ADGRB1: variants seen among roughly 807,000 people sequenced by gnomAD.
ADGRB1 encodes the protein adhesion G protein-coupled receptor B1.
A neutral mutation model predicts 175.7 loss-of-function variants in ADGRB1; 36 were observed. The observed-to-expected ratio is 0.20, with a 90% CI of 0.16 to 0.27. ADGRB1 has a LOEUF of 0.27. Among genes scored for constraint, ADGRB1 ranks in the 10% least tolerant of loss-of-function variants. The pLI is 1.00. For synonymous variants in ADGRB1, 1,054 were observed against 979.4 expected (o/e 1.08, Z -1.42); for missense variants, 1,731 against 2,255.3 (o/e 0.77, Z 4.71).
At chr8:142,481,474 G>T in intron 10 of ADGRB1, 43 bp from the exon 11 acceptor site, 1 of 1,576,776 alleles carries the variant, frequency 6.3e-7, no homozygotes. Flanking sequence ...GCCTGGACAT[G>T]TTCCACAGAG....
chr8:142,470,170 G>A (rs146895200), intron 2 of ADGRB1, among the ~76,000 whole-genome samples: 3 of 151,712 alleles, frequency 2.0e-5, no homozygotes, highest in Admixed American at 1.3e-4. Context: ...ACGCCCCACC[G>A]CCCCCCAGGC....
rs1385584939 is a variant in ADGRB1, at chr8:142,456,000, A to C, written c.-220+5896A>C. ...CCAGGGAGGGTAGGGCTGTCCAGGC[A>C]AGTCTTGGTGAGGCCCCAGTTCCAG... On this transcript the variant is annotated intron_variant, in intron 1 of 30. Coordinates refer to ENST00000517894, the MANE Select transcript of ADGRB1 (RefSeq NM_001702.3). This position sits in a 1 kb window ranked among gnomAD's most constrained non-coding sequence, Gnocchi z 4.9. 6.6e-6 allele frequency among the ~76,000 whole-genome samples: 1 copy of C among 152,028 alleles called. No homozygotes were observed. The highest frequency in any genetic ancestry group is 1.9e-4 in the East Asian group (1 of 5,172).
intron 22 of ADGRB1, among the ~76,000 whole-genome samples, chr8:142,523,778 A>AGGGGGG: frequency 3.6e-5 from 1 of 28,120 alleles, no homozygotes; most frequent in Admixed American, 4.1e-4. Context: ...GCTTACTGGG[A>AGGGGGG]GGGGGGTGGG....
At chr8:142,451,376 C>T (rs942406258) in intron 1 of ADGRB1, among the ~76,000 whole-genome samples, 4 of 152,178 alleles carry the variant, frequency 2.6e-5, no homozygotes, top group Non-Finnish European at 5.9e-5. Flanking sequence ...TCTTGGAGCG[C>T]AGGCGCCTAG....
intron 2 of ADGRB1, among the ~76,000 whole-genome samples, chr8:142,473,284 T>C (rs1050886667): frequency 6.6e-6 from 1 of 152,178 alleles, no homozygotes; most frequent in East Asian, 1.9e-4. Flanking sequence ...CGTGCCACCC[T>C]GACCCATTGT....
At chr8:142,459,247 C>T (rs963326351) in intron 1 of ADGRB1, among the ~76,000 whole-genome samples, 6 of 152,202 alleles carry the variant, frequency 3.9e-5, no homozygotes, top group South Asian at 2.1e-4. Flanking sequence ...CGGAGAAGCA[C>T]GGAGCATGGA....
At chr8:142,527,295 C>A (rs1844263957) in intron 24 of ADGRB1, among the ~76,000 whole-genome samples, 1 of 152,184 alleles carries the variant, frequency 6.6e-6, no homozygotes, top group Non-Finnish European at 1.5e-5. Context: ...CCGCCCCTCA[C>A]CTCTGCCTGC....
rs76333710 is a variant in ADGRB1 at position 142,493,946 on chromosome 8, G to T, written c.2675+3131G>T. 4.4e-3 allele frequency among the ~76,000 whole-genome samples: 676 copies of T among 152,294 alleles called. 3 individuals are homozygous for T. The highest frequency in any genetic ancestry group is 0.031 in the Middle Eastern group (9 of 294). On this transcript the variant is annotated intron_variant, in intron 17 of 30. Coordinates refer to ENST00000517894, the MANE Select transcript of ADGRB1 (RefSeq NM_001702.3). This position sits in a 1 kb window ranked among gnomAD's most constrained non-coding sequence, Gnocchi z 5.0. ...CCAGTTGACCTGAAGTGGAGACCAC[G>T]GGCAGGGGCCCAGGTCTGTTTCCAC...
chr8:142,520,935 C>T lies in ADGRB1; in HGVS notation c.3024+10C>T. The T allele has an allele frequency of 6.2e-7, 1 of 1,607,552 alleles. No homozygotes were observed. Among genetic ancestry groups the T allele is most frequent in the Middle Eastern group, 1.7e-4 (1 of 6,038 alleles). On this transcript the variant is annotated intron_variant, in intron 20 of 30. Coordinates refer to ENST00000517894, the MANE Select transcript of ADGRB1 (RefSeq NM_001702.3). ...CCAGACCCGCAACAAGGTAGGCAGC[C>T]TTGCGTCCTGCCATGCACTTCCCAA...
At chr8:142,540,706 C>T (rs908981359) in intron 27 of ADGRB1, among the ~76,000 whole-genome samples, 1 of 151,776 alleles carries the variant, frequency 6.6e-6, no homozygotes, top group African/African-American at 2.4e-5. Flanking sequence ...GCCCCAGGGT[C>T]TGTGCGGGGT....
At chr8:142,476,090 C>G (rs1840958188) in intron 3 of ADGRB1, among the ~76,000 whole-genome samples, 1 of 152,240 alleles carries the variant, frequency 6.6e-6, no homozygotes, top group African/African-American at 2.4e-5. Context: ...CGGATACTGC[C>G]TCCAGAATGT....
rs1353645832 is a variant in ADGRB1, at chr8:142,537,894, G to A, written c.3666+812G>A. ...CTGGGGCTCAGCCAGGACCGTAGTGGGCTCCTAGTCACCAAGTCTGCTCCC... is the reference window on the plus strand; with the variant it reads ...CTGGGGCTCAGCCAGGACCGTAGTGAGCTCCTAGTCACCAAGTCTGCTCCC... On this transcript the variant is annotated intron_variant, in intron 26 of 30. Transcript: ENST00000517894. The surrounding 1 kb of genome is among the most constrained non-coding windows in gnomAD (Gnocchi z 4.6). 2.0e-5 allele frequency among the ~76,000 whole-genome samples: 3 copies of A among 152,070 alleles called. No homozygotes were observed. Among genetic ancestry groups the A allele is most frequent in the Admixed American group, 6.5e-5 (1 of 15,270 alleles).
chr8:142,521,074 C>T (rs1843811965), intron 20 of ADGRB1, 149 bp downstream of exon 20: 2 of 732,070 alleles, frequency 2.7e-6, no homozygotes, highest in Admixed American at 2.7e-5. Context: ...ACAGGGAGTT[C>T]CCTGCCCTCT....
chr8:142,476,486 C>T, intron 3 of ADGRB1, 99 bp from the exon 4 acceptor site: 2 of 1,080,406 alleles, frequency 1.9e-6, no homozygotes, highest in Non-Finnish European at 1.4e-6. Flanking sequence ...CCAGTGGAGC[C>T]AGGTGGCCCA....
rs1432063750 is a variant in ADGRB1 at position 142,464,890 on chromosome 8, G to T, written c.692G>T (p.Arg231Leu). 1 of 1,525,676 alleles carries T rather than the reference G, an allele frequency of 6.6e-7. No homozygotes were observed. Among genetic ancestry groups the T allele is most frequent in the Admixed American group, 2.0e-5 (1 of 49,710 alleles). 94.5% of individuals were successfully genotyped at this position (1,525,676 alleles called of 1,614,324 possible). Reference sequence around the variant, plus strand: ...CCTGCCGCGGGACCCCTGGCCCCCCGCGGGGATGTCTGCTTGAGAGATGCG... The same window carrying T: ...CCTGCCGCGGGACCCCTGGCCCCCCTCGGGGATGTCTGCTTGAGAGATGCG... ...GGPAAGPLAP[R>L]GDVCLRDAVA... The change falls in exon 2 of 31, where the codon CGC (arginine) becomes CTC (leucine). Residue 231 changes from arginine (R) to leucine (L), a missense_variant. Coordinates refer to ENST00000517894, the MANE Select transcript of ADGRB1 (RefSeq NM_001702.3).
intron 22 of ADGRB1, among the ~76,000 whole-genome samples, chr8:142,522,913 G>C (rs1482064914): frequency 6.6e-6 from 1 of 152,230 alleles, no homozygotes; most frequent in Non-Finnish European, 1.5e-5. Flanking sequence ...CTTCTCCCTG[G>C]CAGCGAGCAG....
chr8:142,478,577 T>G (rs140193963), intron 7 of ADGRB1, among the ~76,000 whole-genome samples: 734 of 71,806 alleles, frequency 0.01, 3 homozygotes, highest in Middle Eastern at 0.043. Flanking sequence ...GGGGTGGCCA[T>G]GAGGAGAGTG....
In ADGRB1 at chr8:142,540,763, G is replaced by A. The variant is rs546687681; in HGVS notation, c.3707-1178G>A. ...GTCCCGAGAGTGCTGTGGCTGTCTGGGTGGGGCATGTGGGTCTGACGGGGA... is the reference window on the plus strand; with the variant it reads ...GTCCCGAGAGTGCTGTGGCTGTCTGAGTGGGGCATGTGGGTCTGACGGGGA... On this transcript the variant is annotated intron_variant, in intron 27 of 30. Coordinates refer to ENST00000517894, the MANE Select transcript of ADGRB1 (RefSeq NM_001702.3). Among the ~76,000 whole-genome samples the A allele has an allele frequency of 5.3e-5, 8 of 152,242 alleles. No individual in the cohort carries two copies. In the South Asian group the frequency reaches 1.7e-3, roughly 32 times the overall value.
In ADGRB1 at chr8:142,510,857, G is replaced by T; in HGVS notation, c.2676-75G>T. The T allele has an allele frequency of 1.2e-6, 1 of 841,850 alleles. No individual in the cohort carries two copies. The highest frequency in any genetic ancestry group is 1.4e-6 in the Non-Finnish European group (1 of 698,316). 52.1% of individuals were successfully genotyped at this position (841,850 alleles called of 1,614,324 possible). On this transcript the variant is annotated intron_variant, in intron 17 of 30. Coordinates refer to ENST00000517894, the MANE Select transcript of ADGRB1 (RefSeq NM_001702.3). The surrounding 1 kb of genome is among the most constrained non-coding windows in gnomAD (Gnocchi z 6.3). ...GGGCCGGGGCGCGGAGCCGCCGCTC[G>T]GGGGCCGGGGCGCCCGCGTCCCCGC...
Sources: allele counts gnomAD v4.1 joint callset (sites outside exome capture counted in the v4.1 genomes callset), GRCh38; gene constraint gnomAD v4.1.1; non-coding constraint Gnocchi (gnomAD v3.1); transcripts MANE v1.5; gene names NCBI Gene and HGNC (gene_info 2026-07-23, HGNC 2026-07-21).